Variants in CACNA2D1 observed in about 807,000 individuals in gnomAD.
CACNA2D1 encodes the protein voltage-dependent calcium channel subunit alpha-2/delta-1.
In CACNA2D1, 53 loss-of-function variants were observed where a neutral mutation model predicts 171.5. The ratio of observed to expected loss-of-function variants is 0.31; its 90% CI spans 0.25 to 0.39. CACNA2D1 has a LOEUF of 0.39. Among genes scored for constraint, CACNA2D1 ranks in the 10% least tolerant of loss-of-function variants. CACNA2D1 has a pLI of 1.00. For missense variants in CACNA2D1, 903 were observed against 1,299.8 expected (o/e 0.69, Z 4.69); for synonymous variants, 442 against 443.1 (o/e 1.00, Z 0.03).
At chr7:82,061,010 T>C (rs1165941809) in intron 9 of CACNA2D1, among the ~76,000 whole-genome samples, 1 of 152,116 alleles carries the variant, frequency 6.6e-6, no homozygotes, top group East Asian at 1.9e-4. Context: ...CTAGAATTTA[T>C]TCTTCATTTT....
At chr7:82,273,423 T>C (rs1193294464) in intron 3 of CACNA2D1, among the ~76,000 whole-genome samples, 4 of 151,410 alleles carry the variant, frequency 2.6e-5, no homozygotes, top group African/African-American at 9.7e-5. Context: ...CCATTATGAT[T>C]CTATTTTATA....
chr7:82,298,870 C>T (rs560143508), intron 3 of CACNA2D1, among the ~76,000 whole-genome samples: 6 of 152,062 alleles, frequency 3.9e-5, no homozygotes, highest in Admixed American at 1.3e-4. Flanking sequence ...CAAGACCAGC[C>T]TGGCCAATAT....
intron 3 of CACNA2D1, among the ~76,000 whole-genome samples, chr7:82,287,856 T>C (rs960368758): frequency 1.3e-5 from 2 of 151,974 alleles, no homozygotes; most frequent in African/African-American, 2.4e-5. Context: ...TTGTTTTTTT[T>C]TGAGACAGAG....
At chr7:81,991,444 A>C (rs368535630) in intron 20 of CACNA2D1, among the ~76,000 whole-genome samples, 198 bp from the exon 21 acceptor site, 1 of 152,208 alleles carries the variant, frequency 6.6e-6, no homozygotes, top group East Asian at 1.9e-4. Flanking sequence ...AATGTAAGTG[A>C]AAAATCTTTA....
chr7:82,021,451 T>C (rs1801200991), intron 12 of CACNA2D1, among the ~76,000 whole-genome samples: 1 of 152,082 alleles, frequency 6.6e-6, no homozygotes, highest in Admixed American at 6.6e-5. Flanking sequence ...AATAATGTTG[T>C]TTTTAATGAT....
At chr7:82,279,405 C>T (rs948422811) in intron 3 of CACNA2D1, among the ~76,000 whole-genome samples, 1 of 152,142 alleles carries the variant, frequency 6.6e-6, no homozygotes, top group African/African-American at 2.4e-5. Context: ...GGGAAAGACA[C>T]ATACTGCAAA....
intron 3 of CACNA2D1, among the ~76,000 whole-genome samples, chr7:82,245,157 A>G (rs1804755809): frequency 6.6e-6 from 1 of 152,190 alleles, no homozygotes; most frequent in South Asian, 2.1e-4. Context: ...CAGCACTGAC[A>G]CCAAACAAGA....
At chr7:81,979,042 ACAT>A (rs1461207060) in intron 24 of CACNA2D1, among the ~76,000 whole-genome samples, 4 of 151,972 alleles carry the variant, frequency 2.6e-5, no homozygotes, top group Non-Finnish European at 5.9e-5. Flanking sequence ...AACCTTGAAA[ACAT>A]CATGCTACGT....
At chr7:82,205,210 T>A (rs1585094522) in intron 3 of CACNA2D1, among the ~76,000 whole-genome samples, 1 of 152,188 alleles carries the variant, frequency 6.6e-6, no homozygotes, top group Admixed American at 6.5e-5. Flanking sequence ...TGGAATCTGA[T>A]ATTTGGTGTG....
At chr7:82,037,209 T>C (rs1803384562) in intron 11 of CACNA2D1, among the ~76,000 whole-genome samples, 1 of 152,214 alleles carries the variant, frequency 6.6e-6, no homozygotes, top group African/African-American at 2.4e-5. Context: ...CTGGAAGCGG[T>C]AGCTCATGCC....
In CACNA2D1 at chr7:82,185,095, C is replaced by T. The variant is rs192944517; in HGVS notation, c.295-14486G>A. Reference sequence around the variant, plus strand: ...GTTATACAACTTGCTCTCAACATCACGTAAGTAGGAGACAAACTATGAATA... The same window carrying T: ...GTTATACAACTTGCTCTCAACATCATGTAAGTAGGAGACAAACTATGAATA... On this transcript the variant is annotated intron_variant, in intron 3 of 38. Coordinates refer to ENST00000356860, the MANE Select transcript of CACNA2D1 (RefSeq NM_000722.4). 2.4e-3 allele frequency among the ~76,000 whole-genome samples: 366 copies of T among 152,212 alleles called. 3 individuals are homozygous for T. The highest frequency in any genetic ancestry group is 2.2e-3 in the Non-Finnish European group (150 of 68,018).
chr7:82,066,585 TGA>T (rs1807656290), intron 7 of CACNA2D1, 61 bp from the exon 8 acceptor site: 8 of 1,529,310 alleles, frequency 5.2e-6, no homozygotes, highest in Admixed American at 2.1e-5. Context: ...CTAAAAATAA[TGA>T]GACTTTAAAA....
chr7:81,957,200 A>G (rs1218033389), intron 38 of CACNA2D1, among the ~76,000 whole-genome samples: 3 of 152,142 alleles, frequency 2.0e-5, no homozygotes, highest in Admixed American at 2.0e-4. Flanking sequence ...TGAAGCCTGT[A>G]TATCTGTCTC....
chr7:82,053,305 G>C (rs955035944), intron 10 of CACNA2D1, among the ~76,000 whole-genome samples: 1 of 150,552 alleles, frequency 6.6e-6, no homozygotes, highest in Non-Finnish European at 1.5e-5. Context: ...TTAAATAGAA[G>C]GTTAATGCAC....
intron 1 of CACNA2D1, among the ~76,000 whole-genome samples, chr7:82,397,071 C>T (rs773233658): frequency 2.0e-5 from 3 of 152,168 alleles, no homozygotes; most frequent in Non-Finnish European, 2.9e-5. Flanking sequence ...GTCCTCCCCA[C>T]CCCACCTCCA....
rs565793251 is a variant in CACNA2D1, at chr7:82,117,314, T to C, written c.397-141A>G. 4.3e-5 allele frequency: 34 copies of C among 793,328 alleles called. 3 individuals are homozygous for C. The highest frequency in any genetic ancestry group is 2.7e-4 in the African/African-American group (16 of 58,270). The allele number at this position is 793,328 out of a possible 1,614,324, so 49.1% of individuals were successfully genotyped here. A position where few individuals can be genotyped will look rare whatever the true frequency, so the allele number is the denominator to read the frequency against. The stretch of plus-strand genomic sequence containing the variant: ...TTTAAAATATAGTACCTTGATAGCA[T>C]TGGATACACAAATTTCCATTCAGGT... On this transcript the variant is annotated intron_variant, in intron 5 of 38. Coordinates refer to ENST00000356860, the MANE Select transcript of CACNA2D1 (RefSeq NM_000722.4).
intron 3 of CACNA2D1, among the ~76,000 whole-genome samples, chr7:82,290,642 G>C (rs1398895559): frequency 1.3e-5 from 2 of 148,924 alleles, no homozygotes; most frequent in East Asian, 3.9e-4. Flanking sequence ...TGTTGCCCCA[G>C]CTGGGGTGCA....
Position 81,972,391 on chromosome 7 carries a change from T to C in CACNA2D1, c.2054-527A>G, listed in dbSNP as rs371535639. Among the ~76,000 whole-genome samples, 6 of 151,954 alleles carry C rather than the reference T, an allele frequency of 3.9e-5. No homozygotes were observed. The East Asian group carries it at 1.2e-3, about 29-fold the overall frequency. ...TTTTCATTCTTTTCTATCACAAATA[T>C]CAAAACATAGGATAATCTTGGAGTA... is the stretch of plus-strand genomic sequence containing the variant. On this transcript the variant is annotated intron_variant, in intron 25 of 38. Coordinates refer to ENST00000356860, the MANE Select transcript of CACNA2D1 (RefSeq NM_000722.4).
At chr7:82,417,763 G>T (rs530825437) in intron 1 of CACNA2D1, among the ~76,000 whole-genome samples, 1 of 152,246 alleles carries the variant, frequency 6.6e-6, no homozygotes, top group Non-Finnish European at 1.5e-5. Context: ...TAGTAGGAAA[G>T]GTAAAGGCAA....
Sources: gnomAD v4.1 joint callset for allele counts (sites outside exome capture counted in the v4.1 genomes callset) on GRCh38, gnomAD v4.1.1 for gene constraint, MANE v1.5 for transcripts, NCBI Gene and HGNC (gene_info 2026-07-23, HGNC 2026-07-21) for gene names.